Variants in SLC1A3 observed in about 807,000 individuals in gnomAD.
SLC1A3 encodes the protein solute carrier family 1 member 3.
Under a neutral mutation model 48.1 loss-of-function variants are expected in SLC1A3, and 21 were observed. The ratio of observed to expected loss-of-function variants is 0.44; its 90% CI spans 0.31 to 0.63. The LOEUF is 0.63. SLC1A3 is among the 20% of genes least tolerant of loss of function. The pLI is 0.08. For synonymous variants in SLC1A3, 239 were observed against 251.4 expected, an observed-to-expected ratio of 0.95 and a Z score of 0.47; for missense variants, 546 against 689.0, an observed-to-expected ratio of 0.79 and a Z score of 2.32.
chr5:36,623,430 G>A (rs1054426414), intron 2 of SLC1A3, among the ~76,000 whole-genome samples: 2 of 152,082 alleles, frequency 1.3e-5, no homozygotes, highest in Admixed American at 1.3e-4. Context: ...TAAAGGATTC[G>A]TTCTTTTGCA....
At chr5:36,675,562 T>C (rs894502901) in intron 5 of SLC1A3, among the ~76,000 whole-genome samples, 1 of 152,216 alleles carries the variant, frequency 6.6e-6, no homozygotes, top group Non-Finnish European at 1.5e-5. Context: ...AAGGTTGCAG[T>C]TTCTGTGCAT....
At chr5:36,608,665 C>T (rs762804964) in intron 2 of SLC1A3, 61 bp downstream of exon 2, 30 of 1,601,152 alleles carry the variant, frequency 1.9e-5, no homozygotes, top group Middle Eastern at 1.7e-4. Flanking sequence ...CATCTGGCTG[C>T]CCGGGGAATA....
At position 36,682,403 on chromosome 5, in the gene SLC1A3, C is replaced by G. The variant is rs527881072; in HGVS notation, c.1290-1461C>G. Among the ~76,000 whole-genome samples the G allele has an allele frequency of 9.2e-5, 14 of 152,214 alleles. No individual in the cohort carries two copies. In the East Asian group the frequency reaches 2.7e-3, roughly 29 times the overall value. On this transcript the variant is annotated intron_variant, in intron 8 of 9. Transcript: ENST00000265113. ...TCAGGGCCAGAGGTCAATGACTGACCTGGGGGTTCTGGGAACCTCAGGCCC... is the reference window on the plus strand; with the variant it reads ...TCAGGGCCAGAGGTCAATGACTGACGTGGGGGTTCTGGGAACCTCAGGCCC...
At chr5:36,629,365 ATACT>A in intron 2 of SLC1A3, 81 bp from the exon 3 acceptor site, 4 of 1,197,406 alleles carry the variant, frequency 3.3e-6, no homozygotes, top group African/African-American at 1.5e-5. Flanking sequence ...CACCAGCCAA[ATACT>A]TACTCATTTT....
At chr5:36,621,368 G>A (rs1739659654) in intron 2 of SLC1A3, among the ~76,000 whole-genome samples, 1 of 152,210 alleles carries the variant, frequency 6.6e-6, no homozygotes, top group Admixed American at 6.5e-5. Flanking sequence ...CAGAGTAGGA[G>A]ATGGGTTCTG....
intron 3 of SLC1A3, among the ~76,000 whole-genome samples, chr5:36,632,398 T>C (rs562819551): frequency 9.8e-5 from 15 of 152,350 alleles, no homozygotes; most frequent in African/African-American, 3.6e-4. Context: ...AATCCAATCA[T>C]TGGCAGTCCT....
chr5:36,686,315 A>G lies in SLC1A3; in HGVS notation c.*46A>G. On this transcript the variant is annotated 3_prime_UTR_variant, in exon 10 of 10. Coordinates refer to ENST00000265113, the MANE Select transcript of SLC1A3 (RefSeq NM_004172.5). ...TCTTGAGCACCAGGTGTTAAAAACC[A>G]TTATAAAATCTTTCCATCTCATTAC... 1 of 1,430,524 alleles carries G rather than the reference A, an allele frequency of 7.0e-7. No homozygotes were observed. The highest frequency in any genetic ancestry group is 9.9e-7 in the Non-Finnish European group (1 of 1,012,670). The allele number at this position is 1,430,524 out of a possible 1,614,324, so 88.6% of individuals were successfully genotyped here. A position where few individuals can be genotyped will look rare whatever the true frequency, so the allele number is the denominator to read the frequency against.
chr5:36,682,707 C>T (rs373974307), intron 8 of SLC1A3, among the ~76,000 whole-genome samples: 2 of 152,182 alleles, frequency 1.3e-5, no homozygotes, highest in African/African-American at 4.8e-5. Flanking sequence ...TGACTCACCA[C>T]CCCCAGATTT....
intron 8 of SLC1A3, 143 bp from the exon 9 acceptor site, chr5:36,683,721 A>ATT: frequency 7.0e-6 from 5 of 717,694 alleles, no homozygotes; most frequent in Non-Finnish European, 1.2e-5. Context: ...AAAAAAAAAA[A>ATT]TCTCATTTAC....
intron 3 of SLC1A3, 22 bp from the exon 4 acceptor site, chr5:36,671,007 A>G: frequency 6.2e-7 from 1 of 1,610,308 alleles, no homozygotes; most frequent in Non-Finnish European, 8.5e-7. Flanking sequence ...CTTCCTGAAA[A>G]TCTTCTGTTT....
intron 2 of SLC1A3, 189 bp downstream of exon 2, chr5:36,608,793 ACATCATTAGG>A (rs1296956853): frequency 2.9e-6 from 4 of 1,396,660 alleles, no homozygotes; most frequent in East Asian, 2.6e-5. Flanking sequence ...TATAGTAAAC[ACATCATTAGG>A]CATCATTAGG....
intron 2 of SLC1A3, among the ~76,000 whole-genome samples, chr5:36,618,769 A>C (rs1393278692): frequency 6.6e-6 from 1 of 152,218 alleles, no homozygotes; most frequent in Non-Finnish European, 1.5e-5. Context: ...CCCAGTTTCT[A>C]CTTGTTCATA....
At chr5:36,628,229 G>A (rs1445913680) in intron 2 of SLC1A3, among the ~76,000 whole-genome samples, 1 of 152,138 alleles carries the variant, frequency 6.6e-6, no homozygotes, top group African/African-American at 2.4e-5. Flanking sequence ...ACAGTTTAGA[G>A]ACAAAGAATG....
chr5:36,631,424 G>GA (rs200780828), intron 3 of SLC1A3, among the ~76,000 whole-genome samples: 132 of 150,192 alleles, frequency 8.8e-4, no homozygotes, highest in East Asian at 2.7e-3. Context: ...TAATTTTTCA[G>GA]AAAAAAAAAT....
At position 36,681,485 on chromosome 5, in the gene SLC1A3, T is replaced by C. The variant is rs193005987; in HGVS notation, c.1289+896T>C. 9.6e-4 allele frequency among the ~76,000 whole-genome samples: 146 copies of C among 152,348 alleles called. 1 individual carries two copies. The highest frequency in any genetic ancestry group is 3.3e-3 in the African/African-American group (137 of 41,582). ...GAATTTTTAGACAGTGTAAGATAGA[T>C]GACAGACCACACTGACAAGTAGTTC... On this transcript the variant is annotated intron_variant, in intron 8 of 9. Transcript: ENST00000265113.
intron 2 of SLC1A3, among the ~76,000 whole-genome samples, chr5:36,609,932 G>A (rs1739124913): frequency 6.6e-6 from 1 of 152,180 alleles, no homozygotes; most frequent in South Asian, 2.1e-4. Flanking sequence ...AGCAATAGCT[G>A]CATAATAATA....
chr5:36,600,571 A>C (rs1738796410), intron 1 of SLC1A3, among the ~76,000 whole-genome samples: 1 of 152,204 alleles, frequency 6.6e-6, no homozygotes, highest in Non-Finnish European at 1.5e-5. Flanking sequence ...ATTTCAAGCA[A>C]GTGTGATCCA....
rs373832946 is a variant in SLC1A3 at position 36,680,614 on chromosome 5, C to T, written c.1289+25C>T. 7 of 1,580,944 alleles carry T rather than the reference C, an allele frequency of 4.4e-6. No homozygotes were observed. The African/African-American group carries it at 9.4e-5, about 21-fold the overall frequency. ...GGTACAAGGAAAGAGTTCTATACAC[C>T]CTTTCTTAAGAATGCCTTTAAGGCT... On this transcript the variant is annotated intron_variant, in intron 8 of 9. Coordinates refer to ENST00000265113, the MANE Select transcript of SLC1A3 (RefSeq NM_004172.5).
At chr5:36,644,249 C>T (rs958403511) in intron 3 of SLC1A3, among the ~76,000 whole-genome samples, 8 of 151,700 alleles carry the variant, frequency 5.3e-5, no homozygotes, top group African/African-American at 1.9e-4. Context: ...TTGCTCTTAT[C>T]CGTGTGATAC....
Sources: allele counts gnomAD v4.1 joint callset (sites outside exome capture counted in the v4.1 genomes callset), GRCh38; gene constraint gnomAD v4.1.1; transcripts MANE v1.5; gene names NCBI Gene and HGNC (gene_info 2026-07-23, HGNC 2026-07-21).